Variants in RNF13 observed in about 807,000 individuals in gnomAD.
RNF13 encodes E3 ubiquitin-protein ligase RNF13.
A neutral mutation model predicts 37.7 loss-of-function variants in RNF13; 19 were observed. That is an observed-to-expected ratio of 0.50 (90% confidence interval 0.35 to 0.74). RNF13 has a LOEUF of 0.74. Among genes scored for constraint, RNF13 ranks in the 30% least tolerant of loss-of-function variants. The pLI, the probability that RNF13 is intolerant of heterozygous loss-of-function variation, is 0.01. For synonymous variants in RNF13, 144 were observed against 157.8 expected (o/e 0.91, Z 0.65); for missense variants, 375 against 453.0 (o/e 0.83, Z 1.56).
intron 3 of RNF13, among the ~76,000 whole-genome samples, chr3:149,861,462 A>G (rs1284449573): frequency 1.3e-5 from 2 of 152,192 alleles, no homozygotes; most frequent in East Asian, 1.9e-4. Flanking sequence ...GAATGAAACC[A>G]TGTCATTTGT....
At chr3:149,931,063 T>C (rs887704713) in intron 8 of RNF13, among the ~76,000 whole-genome samples, 3 of 152,078 alleles carry the variant, frequency 2.0e-5, no homozygotes, top group African/African-American at 7.2e-5. Context: ...GTTTTTGTTT[T>C]TTTGGTTTTT....
At chr3:149,860,270 A>AAAAAAATATATATATATATATATAT (rs1302318768) in intron 3 of RNF13, among the ~76,000 whole-genome samples, 1 of 104,116 alleles carries the variant, frequency 9.6e-6, no homozygotes, top group African/African-American at 4.2e-5. Flanking sequence ...AAAAAAAAAA[A>AAAAAAATATATATATATATATATAT]ATATATATAT....
At chr3:149,819,543 G>A (rs1286281138) in intron 1 of RNF13, among the ~76,000 whole-genome samples, 1 of 152,180 alleles carries the variant, frequency 6.6e-6, no homozygotes, top group Non-Finnish European at 1.5e-5. Flanking sequence ...CTAACTTTAA[G>A]GAGCTTAAGG....
chr3:149,932,701 C>G (rs1249063582), intron 8 of RNF13, among the ~76,000 whole-genome samples: 2 of 152,242 alleles, frequency 1.3e-5, no homozygotes, highest in African/African-American at 4.8e-5. Context: ...GGTGGGCTCC[C>G]AATGCCTTGG....
intron 4 of RNF13, among the ~76,000 whole-genome samples, chr3:149,881,665 T>C (rs1051043612): frequency 1.3e-5 from 2 of 152,106 alleles, no homozygotes; most frequent in African/African-American, 4.8e-5. Context: ...GTTCCAAGCG[T>C]TTTGGCTTCT....
rs183492972 is a variant in RNF13 at position 149,933,772 on chromosome 3, C to T, written c.700+12545C>T. 3.3e-3 allele frequency among the ~76,000 whole-genome samples: 496 copies of T among 151,850 alleles called. 6 individuals are homozygous for T. The highest frequency in any genetic ancestry group is 0.011 in the African/African-American group (467 of 41,422). The stretch of plus-strand genomic sequence containing the variant: ...CTAATTTTTGTATTCTTAGTAGAGA[C>T]GGGGTTTCACCATGTTGGACAGGCT... On this transcript the variant is annotated intron_variant, in intron 8 of 9. Coordinates refer to ENST00000392894, the MANE Select transcript of RNF13 (RefSeq NM_183381.3).
At chr3:149,894,854 G>A (rs974989001) in intron 4 of RNF13, among the ~76,000 whole-genome samples, 14 of 152,006 alleles carry the variant, frequency 9.2e-5, no homozygotes, top group Non-Finnish European at 1.8e-4. Context: ...AAAGTGAGAC[G>A]TAATAACATG....
At chr3:149,944,081 G>C (rs556747350) in intron 8 of RNF13, among the ~76,000 whole-genome samples, 1 of 151,928 alleles carries the variant, frequency 6.6e-6, no homozygotes, top group African/African-American at 2.4e-5. Context: ...TTGTCCTTGC[G>C]ATAGTTTGCT....
At chr3:149,898,714 CATTTT>C (rs1194202933) in intron 5 of RNF13, among the ~76,000 whole-genome samples, 1 of 151,982 alleles carries the variant, frequency 6.6e-6, no homozygotes, top group African/African-American at 2.4e-5. Context: ...TGATTATTAT[CATTTT>C]ATTGCATTCT....
At chr3:149,905,378 A>G (rs1160507951) in intron 6 of RNF13, among the ~76,000 whole-genome samples, 1 of 151,958 alleles carries the variant, frequency 6.6e-6, no homozygotes, top group African/African-American at 2.4e-5. Context: ...CGCTACTTAT[A>G]TTTTATCTTT....
At chr3:149,890,232 C>T (rs1559932235) in intron 4 of RNF13, among the ~76,000 whole-genome samples, 1 of 152,222 alleles carries the variant, frequency 6.6e-6, no homozygotes, top group Non-Finnish European at 1.5e-5. Flanking sequence ...AATCTTCAGT[C>T]TCTCCTTTCC....
intron 2 of RNF13, among the ~76,000 whole-genome samples, chr3:149,846,704 G>T (rs1722671833): frequency 6.6e-6 from 1 of 152,156 alleles, no homozygotes; most frequent in Admixed American, 6.5e-5. Flanking sequence ...GTGCACATGT[G>T]GGTGCTTTGC....
At chr3:149,825,351 A>T (rs1290291999) in intron 1 of RNF13, among the ~76,000 whole-genome samples, 8 of 152,082 alleles carry the variant, frequency 5.3e-5, no homozygotes. Context: ...TTTAGTAGAG[A>T]CAGGGTTTCA....
At chr3:149,897,870 C>G (rs1488335214) in intron 5 of RNF13, among the ~76,000 whole-genome samples, 1 of 152,164 alleles carries the variant, frequency 6.6e-6, no homozygotes, top group Non-Finnish European at 1.5e-5. Context: ...CCTGTTGACA[C>G]TTCACGTAAG....
chr3:149,835,677 G>T (rs1481405100), intron 1 of RNF13, among the ~76,000 whole-genome samples: 3 of 151,722 alleles, frequency 2.0e-5, no homozygotes, highest in Non-Finnish European at 4.4e-5. Context: ...TTGTGTGTGT[G>T]TGTGTGTATG....
intron 1 of RNF13, among the ~76,000 whole-genome samples, chr3:149,814,538 G>C (rs1719224151): frequency 6.6e-6 from 1 of 152,066 alleles, no homozygotes; most frequent in Non-Finnish European, 1.5e-5. Flanking sequence ...ATAGATTTTA[G>C]AATCAATTTA....
intron 7 of RNF13, among the ~76,000 whole-genome samples, chr3:149,920,126 A>G (rs569134301): frequency 1.3e-5 from 2 of 152,114 alleles, no homozygotes; most frequent in African/African-American, 4.8e-5. Flanking sequence ...AGAGGTTTTT[A>G]TATATATTCT....
intron 6 of RNF13, among the ~76,000 whole-genome samples, chr3:149,908,111 T>G (rs1293050768): frequency 6.6e-6 from 1 of 152,182 alleles, no homozygotes; most frequent in Non-Finnish European, 1.5e-5. Context: ...TTATAAACTG[T>G]TTGGTGTCCT....
At position 149,895,483 on chromosome 3, in the gene RNF13, C is replaced by T; in HGVS notation, c.332C>T (p.Ala111Val). Residue 111 changes from alanine to valine, a missense_variant, in exon 5 of 10, where the codon GCA (alanine) becomes GTA (valine). By Grantham distance (64) the Ala-to-Val change is moderately conservative. Coordinates refer to ENST00000392894, the MANE Select transcript of RNF13 (RefSeq NM_183381.3). ...DCNFDIKVLN[A>V]QRAGYKAAIV... ...TTTTTTGCTTTGCAGGTTTTAAATG[C>T]ACAGAGAGCAGGATACAAGGCAGCC... The T allele has an allele frequency of 6.4e-7, 1 of 1,572,718 alleles. No individual in the cohort carries two copies. Among genetic ancestry groups the T allele is most frequent in the Admixed American group, 1.8e-5 (1 of 55,604 alleles).
Sources: allele counts gnomAD v4.1 joint callset (sites outside exome capture counted in the v4.1 genomes callset), GRCh38; gene constraint gnomAD v4.1.1; transcripts MANE v1.5; gene names NCBI Gene and HGNC (gene_info 2026-07-23, HGNC 2026-07-21).